EXOSC10: variants seen among roughly 807,000 people sequenced by gnomAD.
The protein encoded by EXOSC10 is exosome component 10, also known as exosome complex component 10.
EXOSC10 carries 94 observed loss-of-function variants against 126.6 expected under a neutral mutation model. The observed-to-expected ratio is 0.74, with a 90% CI of 0.63 to 0.88. The LOEUF is 0.88. Among genes scored for constraint, EXOSC10 ranks in the 40% least tolerant of loss-of-function variants. EXOSC10 has a pLI of 0.00. For missense variants in EXOSC10, 1,041 were observed against 1,100.5 expected (o/e 0.95, Z 0.77); for synonymous variants, 395 against 400.8 (o/e 0.99, Z 0.17).
At chr1:11,082,920 C>T in intron 9 of EXOSC10, 42 bp from the exon 10 acceptor site, 1 of 1,494,340 alleles carries the variant, frequency 6.7e-7, no homozygotes, top group Non-Finnish European at 9.3e-7. Flanking sequence ...TGGTAGCAGG[C>T]CACTCATGCT....
In EXOSC10 at chr1:11,097,381, A is replaced by G. The variant is rs1198627828; in HGVS notation, c.248+639T>C. Among the ~76,000 whole-genome samples the G allele has an allele frequency of 2.1e-5, 3 of 145,282 alleles. No individual in the cohort carries two copies. In the South Asian group the frequency reaches 6.3e-4, roughly 30 times the overall value. On this transcript the variant is annotated intron_variant, in intron 2 of 24. Coordinates refer to ENST00000376936, the MANE Select transcript of EXOSC10 (RefSeq NM_001001998.3). The stretch of plus-strand genomic sequence containing the variant: ...TGATGGAGCGAGACTCCATCTCAAA[A>G]AAAATAAAAATAAAAATAAAAATAC...
rs192611779 is a variant in EXOSC10, at chr1:11,069,574, A to G, written c.2473T>C (p.Phe825Leu). The change falls in exon 22 of 25, where the codon TTC (phenylalanine) becomes CTC (leucine). Residue 825 changes from phenylalanine (F) to leucine (L), a missense_variant. Phe to Leu is a conservative substitution (Grantham distance 22). This residue lies in a region of EXOSC10 where 388 missense variants were observed against 415.2 expected (regional missense o/e 0.93). Coordinates refer to ENST00000376936, the MANE Select transcript of EXOSC10 (RefSeq NM_001001998.3). ...ACTTCCTCACCAGCAAAAGCCTTGA[A>G]GTCTGACTGGCTGTAGTCGTAAGGC... is the stretch of plus-strand genomic sequence containing the variant. ...FTPYDYSQSDFKAFAGNSKSK... is the reference protein window; with the variant it reads ...FTPYDYSQSDLKAFAGNSKSK... 8.1e-6 allele frequency: 13 copies of G among 1,613,200 alleles called. No homozygotes were observed. In the East Asian group the frequency reaches 2.2e-4, roughly 28 times the overall value.
At chr1:11,072,811 C>T (rs565146405) in intron 19 of EXOSC10, 20 of 152,416 alleles carry the variant, frequency 1.3e-4, no homozygotes, top group African/African-American at 4.3e-4. Flanking sequence ...AAGCCAGTCG[C>T]CCATGTCATC....
rs761017735 is a variant in EXOSC10, at chr1:11,088,118, C to G, written c.834+5G>C. The G allele has an allele frequency of 6.8e-6, 11 of 1,611,312 alleles. No homozygotes were observed. The highest frequency in any genetic ancestry group is 2.2e-5 in the South Asian group (2 of 90,832). On this transcript the variant is annotated splice_donor_5th_base_variant and intron_variant, in intron 7 of 24. Coordinates refer to ENST00000376936, the MANE Select transcript of EXOSC10 (RefSeq NM_001001998.3). ...GGCACCTTTAAACTAAGGCTGGGTA[C>G]TAACCTGGGGTTGTGGCTTTTGAAG... is the stretch of plus-strand genomic sequence containing the variant.
At position 11,070,931 on chromosome 1, in the gene EXOSC10, TC is replaced by T; in HGVS notation, c.2284del (p.Glu762AsnfsTer12). 1 of 1,613,866 alleles carries T rather than the reference TC, an allele frequency of 6.2e-7. No individual in the cohort carries two copies. The highest frequency in any genetic ancestry group is 1.6e-4 in the Middle Eastern group (1 of 6,062). ...CTGCTGTCGGACGGAGATGGCCTGT[TC>T]TGCTGCAGCTTTGCACGCCTCCTTT... The part of the protein sequence containing the change: ...QAKEACKAAA[E>X]QAISVRQQVV... On this transcript the variant is annotated frameshift_variant, in exon 21 of 25. Transcript: ENST00000376936. LOFTEE classifies it high-confidence loss of function.
In EXOSC10 at chr1:11,093,808, A is replaced by G. The variant is rs146209982; in HGVS notation, c.372+1950T>C. 8.0e-3 allele frequency among the ~76,000 whole-genome samples: 1,216 copies of G among 152,272 alleles called. 25 individuals carry two copies. Among genetic ancestry groups the G allele is most frequent in the African/African-American group, 0.028 (1,149 of 41,556 alleles). On this transcript the variant is annotated intron_variant, in intron 3 of 24. Transcript: ENST00000376936. ...TTGTCAGGCACAGTGGCTCATGCCT[A>G]TAATCCTAGTGACTAAGGAGGCTGA...
chr1:11,078,264 C>CTTTTTTTTTTTTTTTT (rs1220119181), intron 14 of EXOSC10, among the ~76,000 whole-genome samples: 1 of 143,726 alleles, frequency 7.0e-6, no homozygotes, highest in Non-Finnish European at 1.5e-5. Context: ...GACCCTGTTT[C>CTTTTTTTTTTTTTTTT]TTTTTTTTTT....
At chr1:11,084,765 G>A (rs778681424) in intron 9 of EXOSC10, among the ~76,000 whole-genome samples, 1 of 152,092 alleles carries the variant, frequency 6.6e-6, no homozygotes, top group Admixed American at 6.6e-5. Context: ...TAGGTCTAAC[G>A]TTGTTAAGTC....
chr1:11,093,251 G>A (rs1018546770), intron 3 of EXOSC10, among the ~76,000 whole-genome samples: 3 of 152,186 alleles, frequency 2.0e-5, no homozygotes, highest in African/African-American at 7.2e-5. Flanking sequence ...ATTTAACAGT[G>A]TAATGTGGCC....
intron 4 of EXOSC10, 134 bp downstream of exon 4, chr1:11,091,359 T>C: frequency 2.1e-6 from 2 of 946,584 alleles, no homozygotes; most frequent in East Asian, 5.1e-5. Context: ...AGTTTGTGTA[T>C]GTTTATGAGA....
chr1:11,094,767 A>C (rs1434505993), intron 3 of EXOSC10, among the ~76,000 whole-genome samples: 4 of 151,954 alleles, frequency 2.6e-5, no homozygotes, highest in Non-Finnish European at 5.9e-5. Flanking sequence ...TGGCCTGGCT[A>C]GTTTTTATAT....
chr1:11,092,491 G>A (rs1640860726), intron 3 of EXOSC10, among the ~76,000 whole-genome samples: 1 of 151,618 alleles, frequency 6.6e-6, no homozygotes, highest in African/African-American at 2.4e-5. Flanking sequence ...AGGATTACAG[G>A]CGTAAGCCAC....
At chr1:11,079,550 G>C (rs528265537) in intron 14 of EXOSC10, among the ~76,000 whole-genome samples, 161 bp downstream of exon 14, 11 of 151,184 alleles carry the variant, frequency 7.3e-5, no homozygotes, top group African/African-American at 2.7e-4. Flanking sequence ...TGCACCACAC[G>C]CCTGGCTAAT....
intron 9 of EXOSC10, 91 bp downstream of exon 9, chr1:11,087,357 T>C (rs1209718193): frequency 6.9e-7 from 1 of 1,458,494 alleles, no homozygotes; most frequent in Non-Finnish European, 9.5e-7. Flanking sequence ...CCAACTTGAC[T>C]GGTCTAGGTT....
At chr1:11,081,563 T>TGTCTG (rs1640169025) in intron 10 of EXOSC10, among the ~76,000 whole-genome samples, 1 of 152,164 alleles carries the variant, frequency 6.6e-6, no homozygotes, top group Admixed American at 6.5e-5. Context: ...CTTGGACAAG[T>TGTCTG]TCCTTAACCT....
At chr1:11,074,083 G>C (rs946320989) in intron 18 of EXOSC10, 75 bp from the exon 19 acceptor site, 6 of 1,469,218 alleles carry the variant, frequency 4.1e-6, no homozygotes, top group Admixed American at 3.4e-5. Context: ...GCGCTCAGAT[G>C]GGGGGTTGCT....
rs1213021428 is a variant in EXOSC10, at chr1:11,088,146, C to G, written c.811G>C (p.Val271Leu). 6.2e-6 allele frequency: 10 copies of G among 1,613,540 alleles called. No homozygotes were observed. The highest frequency in any genetic ancestry group is 8.5e-6 in the Non-Finnish European group (10 of 1,179,870). The change falls in exon 7 of 25, where the codon GTG becomes CTG. Residue 271 changes from valine to leucine, a missense_variant. Around this residue, in one of 3 missense-constraint regions of EXOSC10, gnomAD observed 645 missense variants for 656.3 expected, o/e 0.98. Transcript: ENST00000376936. ...ACCTGGGGTTGTGGCTTTTGAAGCA[C>G]TGCATCTGCTGGGGTAAAGTGATTT... ...ELNHFTPADA[V>L]LQKPQPQLYR...
chr1:11,091,652 T>G, intron 3 of EXOSC10, 55 bp from the exon 4 acceptor site: 7 of 1,271,862 alleles, frequency 5.5e-6, no homozygotes, highest in South Asian at 1.2e-5. Flanking sequence ...TTAGCAGAGT[T>G]AACTACCTAA....
At chr1:11,093,628 T>C (rs1166093309) in intron 3 of EXOSC10, among the ~76,000 whole-genome samples, 1 of 152,188 alleles carries the variant, frequency 6.6e-6, no homozygotes, top group Non-Finnish European at 1.5e-5. Context: ...TAGGCATAAA[T>C]AGATAGTAAG....
Sources: gnomAD v4.1 joint callset for allele counts (sites outside exome capture counted in the v4.1 genomes callset) on GRCh38, gnomAD v4.1.1 for gene constraint, gnomAD v4.1.1 regional missense constraint, MANE v1.5 for transcripts, NCBI Gene and HGNC (gene_info 2026-07-23, HGNC 2026-07-21) for gene names.